IL1RAPL2: variants seen among roughly 807,000 people sequenced by gnomAD.
IL1RAPL2 encodes X-linked interleukin-1 receptor accessory protein-like 2.
In IL1RAPL2, 3 loss-of-function variants were observed where a neutral mutation model predicts 44.1. That is an observed-to-expected ratio of 0.07 (90% CI 0.03 to 0.18). The LOEUF is 0.18. IL1RAPL2 is among the 10% of genes least tolerant of loss of function. IL1RAPL2 has a pLI of 1.00. For missense variants in IL1RAPL2, 391 were observed against 496.4 expected (o/e 0.79, Z 2.02); for synonymous variants, 181 against 178.8 (o/e 1.01, Z -0.10).
rs144084327 is a variant in IL1RAPL2 at position 105,601,475 on chromosome X, G to A, written c.773-115892G>A. On this transcript the variant is annotated intron_variant, in intron 6 of 10. Transcript: ENST00000372582. ...CAGACAGAAATGAAGCACCCAGCCA[G>A]GATTCGCTTGGAGCCATGATAGACT... 2.0e-3 allele frequency among the ~76,000 whole-genome samples: 225 copies of A among 111,070 alleles called. 1 individual carries two copies. Among genetic ancestry groups the A allele is most frequent in the African/African-American group, 7.2e-3 (219 of 30,484 alleles).
chrX:104,571,732 A>G (rs1928152768), intron 1 of IL1RAPL2, among the ~76,000 whole-genome samples: 1 of 111,752 alleles, frequency 8.9e-6, no homozygotes. Context: ...TATGAGAACA[A>G]ACTAATACAG....
At chrX:105,360,359 A>G (rs1449328011) in intron 5 of IL1RAPL2, among the ~76,000 whole-genome samples, 1 of 111,737 alleles carries the variant, frequency 8.9e-6, no homozygotes, top group African/African-American at 3.3e-5. Context: ...TACAACAAAT[A>G]TTTATTGAGT....
intron 2 of IL1RAPL2, among the ~76,000 whole-genome samples, chrX:105,152,181 A>T (rs760870168): frequency 4.5e-5 from 5 of 111,321 alleles, no homozygotes; most frequent in Non-Finnish European, 7.6e-5. Context: ...GTATCACTAT[A>T]AAAAAAGTGG....
intron 6 of IL1RAPL2, among the ~76,000 whole-genome samples, chrX:105,603,934 T>G (rs2037273621): frequency 9.0e-6 from 1 of 111,150 alleles, no homozygotes; most frequent in South Asian, 3.7e-4. Flanking sequence ...TGAAAATATT[T>G]AGAAGGATGT....
chrX:104,643,378 A>G (rs767740813), intron 1 of IL1RAPL2, among the ~76,000 whole-genome samples: 2 of 111,844 alleles, frequency 1.8e-5, no homozygotes, highest in South Asian at 3.7e-4. Context: ...TATTATTATA[A>G]AAAGACCTAC....
chrX:105,258,262 A>G (rs1481991720), intron 4 of IL1RAPL2, among the ~76,000 whole-genome samples: 2 of 111,138 alleles, frequency 1.8e-5, no homozygotes, highest in African/African-American at 3.3e-5. Context: ...TAGGCCCCCA[A>G]TCTCTTCTGG....
At chrX:104,965,178 A>G (rs1172116795) in intron 2 of IL1RAPL2, among the ~76,000 whole-genome samples, 1 of 111,689 alleles carries the variant, frequency 9.0e-6, no homozygotes, top group Non-Finnish European at 1.9e-5. Context: ...CCTTGTTTCT[A>G]TACATGGTGT....
At chrX:105,622,850 C>G in intron 6 of IL1RAPL2, among the ~76,000 whole-genome samples, 1 of 111,159 alleles carries the variant, frequency 9.0e-6, no homozygotes, top group Non-Finnish European at 1.9e-5. Context: ...CTACCACTGT[C>G]CACCCACCAA....
intron 2 of IL1RAPL2, among the ~76,000 whole-genome samples, chrX:104,866,665 G>A (rs1922624032): frequency 9.0e-6 from 1 of 111,662 alleles, no homozygotes. Context: ...GAAAATACTG[G>A]AGACCTTTAG....
intron 6 of IL1RAPL2, among the ~76,000 whole-genome samples, chrX:105,490,629 A>G (rs1483940644): frequency 8.9e-6 from 1 of 112,472 alleles, no homozygotes; most frequent in Non-Finnish European, 1.9e-5. Context: ...TAGAAGGCAA[A>G]CAAATACCCA....
chrX:105,249,707 C>T (rs904928308), intron 4 of IL1RAPL2, among the ~76,000 whole-genome samples: 3 of 111,384 alleles, frequency 2.7e-5, no homozygotes, highest in Admixed American at 1.9e-4. Flanking sequence ...ACACCCAATG[C>T]TAACAAGGAT....
chrX:104,702,007 C>T (rs1931282583), intron 2 of IL1RAPL2, among the ~76,000 whole-genome samples: 1 of 111,090 alleles, frequency 9.0e-6, no homozygotes, highest in Non-Finnish European at 1.9e-5. Context: ...ACTCCTTATC[C>T]CTATTTACTC....
intron 2 of IL1RAPL2, among the ~76,000 whole-genome samples, chrX:104,955,862 T>G (rs1184755781): frequency 9.0e-6 from 1 of 111,167 alleles, no homozygotes; most frequent in Non-Finnish European, 1.9e-5. Flanking sequence ...GATTTCCCTA[T>G]TAGTTAAAAA....
intron 2 of IL1RAPL2, among the ~76,000 whole-genome samples, chrX:104,822,041 T>G (rs959103349): frequency 3.0e-4 from 34 of 112,531 alleles, no homozygotes; most frequent in African/African-American, 1.0e-3. Context: ...CTTATATGTC[T>G]TCTTTTAAAA....
chrX:105,133,123 C>A (rs1361705886), intron 2 of IL1RAPL2, among the ~76,000 whole-genome samples: 1 of 111,680 alleles, frequency 9.0e-6, no homozygotes, highest in African/African-American at 3.2e-5. Flanking sequence ...AAAATTATAC[C>A]AAAATGTTGA....
chrX:105,645,448 C>T (rs1335937972), intron 6 of IL1RAPL2, among the ~76,000 whole-genome samples: 3 of 111,856 alleles, frequency 2.7e-5, no homozygotes, highest in South Asian at 7.5e-4. Flanking sequence ...ATCTTAGCTA[C>T]GGGCCAAAAG....
chrX:105,331,021 A>G (rs2034981818), intron 5 of IL1RAPL2, among the ~76,000 whole-genome samples: 1 of 111,863 alleles, frequency 8.9e-6, no homozygotes, highest in Non-Finnish European at 1.9e-5. Context: ...GTAATAATTA[A>G]ATAAATTAAT....
intron 6 of IL1RAPL2, among the ~76,000 whole-genome samples, chrX:105,588,011 C>T (rs374917857): frequency 1.3e-4 from 15 of 111,503 alleles, no homozygotes; most frequent in African/African-American, 4.9e-4. Context: ...TGCACTCCAG[C>T]CTGAGCAACA....
At chrX:104,842,286 C>G (rs1279129649) in intron 2 of IL1RAPL2, among the ~76,000 whole-genome samples, 2 of 110,188 alleles carry the variant, frequency 1.8e-5, no homozygotes, top group Non-Finnish European at 3.8e-5. Flanking sequence ...TTAGTAGTTC[C>G]TATCACTTTT....
Sources: gnomAD v4.1 joint callset for allele counts (sites outside exome capture counted in the v4.1 genomes callset) on GRCh38, gnomAD v4.1.1 for gene constraint, MANE v1.5 for transcripts, NCBI Gene and HGNC (gene_info 2026-07-23, HGNC 2026-07-21) for gene names.